N4BP2: variants seen among roughly 807,000 people sequenced by gnomAD.
N4BP2 encodes the protein NEDD4-binding protein 2.
Under a neutral mutation model 152.8 loss-of-function variants are expected in N4BP2, and 91 were observed. That is an observed-to-expected ratio of 0.60 (90% CI 0.50 to 0.71). N4BP2 has a LOEUF of 0.71. N4BP2 is among the 30% of genes least tolerant of loss of function. N4BP2 has a pLI of 0.00. For synonymous variants in N4BP2, 646 were observed against 705.3 expected (o/e 0.92, Z 1.33); for missense variants, 1,923 against 2,059.1 (o/e 0.93, Z 1.28).
At chr4:40,093,342 G>A (rs1714801391) in intron 2 of N4BP2, among the ~76,000 whole-genome samples, 1 of 152,106 alleles carries the variant, frequency 6.6e-6, no homozygotes, top group Admixed American at 6.6e-5. Context: ...TTATTCATTT[G>A]AGACTTCTTT....
Position 40,122,158 on chromosome 4 carries a change from A to G in N4BP2, c.4047A>G (p.Ser1349=), listed in dbSNP as rs755234261. Residue 1349 remains serine (S), a synonymous_variant, in exon 9 of 18, where the codon TCA becomes TCG. Coordinates refer to ENST00000261435, the MANE Select transcript of N4BP2 (RefSeq NM_018177.6). ...TTCTAATGGCAGGAAGTAGTTTATC[A>G]GCTGGAGTTAGTGGGGAAGATAAAA... is the stretch of plus-strand genomic sequence containing the variant. The part of the protein sequence containing the change: ...KEILMAGSSL[S]AGVSGEDKTE... 13 of 1,612,944 alleles carry G rather than the reference A, an allele frequency of 8.1e-6. No individual in the cohort carries two copies. Among genetic ancestry groups the G allele is most frequent in the Middle Eastern group, 3.3e-4 (2 of 6,082 alleles).
chr4:40,186,172 A>G, the N4BP2 span, among the ~76,000 whole-genome samples: 4 of 152,212 alleles, frequency 2.6e-5, no homozygotes, highest in Admixed American at 6.5e-5. Context: ...TTGAATTGGC[A>G]TTGGGTTGGA....
At chr4:40,170,361 G>C in the N4BP2 span, among the ~76,000 whole-genome samples, 1 of 151,894 alleles carries the variant, frequency 6.6e-6, no homozygotes, top group African/African-American at 2.4e-5. Flanking sequence ...GCTCACGCCT[G>C]TGATCCCAGC....
chr4:40,102,863 G>A lies in N4BP2; in HGVS notation c.1018G>A (p.Asp340Asn). ...TCCTGAACTGCCAACTAAGGGGAAG[G>A]ATGTGAGTTACTGCCCGGTACTTGC... ...KHPELPTKGKDVSYCPVLAPL... is the reference protein window; with the variant it reads ...KHPELPTKGKNVSYCPVLAPL... The change falls in exon 4 of 18, where the codon GAT becomes AAT. Residue 340 changes from aspartate to asparagine, a missense_variant. Physicochemically the swap from Asp to Asn is conservative, Grantham distance 23 (BLOSUM62 1). Coordinates refer to ENST00000261435, the MANE Select transcript of N4BP2 (RefSeq NM_018177.6). 3 of 1,614,138 alleles carry A rather than the reference G, an allele frequency of 1.9e-6. No homozygotes were observed. In the African/African-American group the frequency reaches 4.0e-5, roughly 22 times the overall value.
At chr4:40,088,472 A>G (rs932327215) in intron 2 of N4BP2, among the ~76,000 whole-genome samples, 6 of 150,806 alleles carry the variant, frequency 4.0e-5, no homozygotes, top group Non-Finnish European at 3.0e-5. Context: ...TATTTTAGTC[A>G]ATTTGATAGG....
At position 40,152,887 on chromosome 4, in the gene N4BP2, A is replaced by G. The variant is rs761797001; in HGVS notation, c.5251A>G (p.Ile1751Val). 1.2e-6 allele frequency: 2 copies of G among 1,613,990 alleles called. No homozygotes were observed. The highest frequency in any genetic ancestry group is 2.2e-5 in the South Asian group (2 of 91,082). Residue 1751 changes from isoleucine (I) to valine (V), a missense_variant, in exon 17 of 18, where the codon ATA (isoleucine) becomes GTA (valine). Ile to Val is a conservative substitution (Grantham distance 29, BLOSUM62 3). Transcript: ENST00000261435. The stretch of plus-strand genomic sequence containing the variant: ...CAAACCAGCTGTCATTAAGTACCTC[A>G]TAAGCCATAGCTTCAGGTGAGTGTA... ...RIKPAVIKYL[I>V]SHSFRFSEIK...
intron 12 of N4BP2, among the ~76,000 whole-genome samples, chr4:40,129,691 G>A (rs948940398): frequency 2.0e-5 from 3 of 151,680 alleles, no homozygotes; most frequent in Non-Finnish European, 4.4e-5. Context: ...GGCTGGTCTC[G>A]AACTCCTGGC....
At position 40,117,780 on chromosome 4, in the gene N4BP2, ATAT is replaced by A. The variant is rs1401533869; in HGVS notation, c.1665-84_1665-82del. On this transcript the variant is annotated intron_variant, in intron 7 of 17. Transcript: ENST00000261435. ...TTTGATATTCGTATCTATTAGAAATATATTATTGTTTTCCTAGACATATGTTCT... is the reference window on the plus strand; with the variant it reads ...TTTGATATTCGTATCTATTAGAAATATATTGTTTTCCTAGACATATGTTCT... The A allele has an allele frequency of 9.1e-6, 10 of 1,097,864 alleles. No individual in the cohort carries two copies. In the East Asian group the frequency reaches 1.0e-4, roughly 11 times the overall value. 68.0% of individuals were successfully genotyped at this position (1,097,864 alleles called of 1,614,324 possible).
Position 40,120,491 on chromosome 4 carries a change from G to C in N4BP2, c.2380G>C (p.Asp794His). Residue 794 changes from aspartate to histidine, a missense_variant, in exon 9 of 18, where the codon GAT becomes CAT. Physicochemically the swap from Asp to His is moderately conservative, Grantham distance 81. Coordinates refer to ENST00000261435, the MANE Select transcript of N4BP2 (RefSeq NM_018177.6). ...LSNFVGDWPV[D>H]KTIGQRTKRN... is the part of the protein sequence containing the mutation. ...AAATTTTGTTGGTGACTGGCCAGTT[G>C]ATAAGACTATTGGTCAGAGGACAAA... The C allele has an allele frequency of 6.2e-7, 1 of 1,613,740 alleles. No homozygotes were observed. The highest frequency in any genetic ancestry group is 8.5e-7 in the Non-Finnish European group (1 of 1,179,986).
the N4BP2 span, among the ~76,000 whole-genome samples, chr4:40,163,379 G>A: frequency 6.6e-6 from 1 of 152,206 alleles, no homozygotes; most frequent in Non-Finnish European, 1.5e-5. Context: ...AGTGGGCTCA[G>A]GGAAGATCAA....
At position 40,158,244 on chromosome 4, in the gene N4BP2, T is replaced by G. The variant is rs1454566123; in HGVS notation, c.*4007T>G. The G allele has an allele frequency of 1.3e-5, 2 of 152,232 alleles. No homozygotes were observed. The highest frequency in any genetic ancestry group is 4.8e-5 in the African/African-American group (2 of 41,462). 9.4% of individuals were successfully genotyped at this position (152,232 alleles called of 1,614,324 possible). A position where few individuals can be genotyped will look rare whatever the true frequency, so the allele number is the denominator to read the frequency against. On this transcript the variant is annotated 3_prime_UTR_variant, in exon 18 of 18. Coordinates refer to ENST00000261435, the MANE Select transcript of N4BP2 (RefSeq NM_018177.6). ...TACATACTTAATTTAATAAAATACT[T>G]TAGCCACAGTCCAGTGTGAGGAAAT...
intron 3 of N4BP2, among the ~76,000 whole-genome samples, chr4:40,099,821 A>G (rs890798252): frequency 1.3e-5 from 2 of 151,804 alleles, no homozygotes; most frequent in African/African-American, 4.8e-5. Context: ...TTAAGTTTTT[A>G]GTTGATCTTT....
the N4BP2 span, among the ~76,000 whole-genome samples, chr4:40,180,576 C>G: frequency 6.0e-3 from 918 of 152,258 alleles, 9 homozygotes; most frequent in African/African-American, 0.021. Context: ...ATTACTCATG[C>G]ACAATTCATT....
chr4:40,152,689 A>G, intron 16 of N4BP2, 91 bp from the exon 17 acceptor site: 1 of 1,436,518 alleles, frequency 7.0e-7, no homozygotes, highest in Non-Finnish European at 9.6e-7. Context: ...TCATGAAAAC[A>G]ATTTCATGTG....
rs1733816319 is a variant in N4BP2, at chr4:40,063,558, AG to A, written c.-212+6530del. ...GCAGAGCAGACCTTGAGTAGGGGAG[AG>A]GACGGAGTTCTGGGCAGACATAAAG... On this transcript the variant is annotated intron_variant, in intron 1 of 17. Coordinates refer to ENST00000261435, the MANE Select transcript of N4BP2 (RefSeq NM_018177.6). Among the ~76,000 whole-genome samples, 6 of 152,206 alleles carry A rather than the reference AG, an allele frequency of 3.9e-5. No homozygotes were observed. In the South Asian group the frequency reaches 1.2e-3, roughly 32 times the overall value.
chr4:40,099,975 T>A (rs1715480009), intron 3 of N4BP2: 1 of 419,002 alleles, frequency 2.4e-6, no homozygotes, highest in Non-Finnish European at 4.8e-6. Context: ...ATTGCTATGA[T>A]CTCCTAATTG....
intron 16 of N4BP2, among the ~76,000 whole-genome samples, chr4:40,150,560 A>G (rs911485657): frequency 2.6e-5 from 4 of 151,966 alleles, no homozygotes; most frequent in Non-Finnish European, 1.5e-5. Context: ...AATCCCAGCC[A>G]CTCTGGAAAC....
rs371627623 is a variant in N4BP2, at chr4:40,124,185, C to T, written c.4310C>T (p.Ser1437Phe). The T allele has an allele frequency of 4.4e-6, 7 of 1,608,786 alleles. No individual in the cohort carries two copies. In the African/African-American group the frequency reaches 8.0e-5, roughly 18 times the overall value. Reference sequence around the variant, plus strand: ...GAGCGACAAAGACAAGAAGAGGTGTCTTGTGGCAAGTTTATGCAAGGTAAA... The same window carrying T: ...GAGCGACAAAGACAAGAAGAGGTGTTTTGTGGCAAGTTTATGCAAGGTAAA... ...VMERQRQEEV[S>F]CGKFMQDPSL... is the part of the protein sequence containing the mutation. The change falls in exon 11 of 18, where the codon TCT (serine) becomes TTT (phenylalanine). Residue 1437 changes from serine (S) to phenylalanine (F), a missense_variant. By Grantham distance (155) the Ser-to-Phe change is radical. Coordinates refer to ENST00000261435, the MANE Select transcript of N4BP2 (RefSeq NM_018177.6).
At chr4:40,067,465 C>A (rs1202163283) in intron 1 of N4BP2, among the ~76,000 whole-genome samples, 1 of 151,038 alleles carries the variant, frequency 6.6e-6, no homozygotes, top group Non-Finnish European at 1.5e-5. Flanking sequence ...CACCTCTTGA[C>A]TATTGTGAAT....
Sources: gnomAD v4.1 joint callset for allele counts (sites outside exome capture counted in the v4.1 genomes callset) on GRCh38, gnomAD v4.1.1 for gene constraint, MANE v1.5 for transcripts, NCBI Gene and HGNC (gene_info 2026-07-23, HGNC 2026-07-21) for gene names.